Variants in GREB1L observed in about 807,000 individuals in gnomAD.
GREB1L encodes the protein GREB1 like retinoic acid receptor coactivator, also known as GREB1-like protein.
In GREB1L, 17 loss-of-function variants were observed where a neutral mutation model predicts 200.8. The ratio of observed to expected loss-of-function variants is 0.08; its 90% CI spans 0.06 to 0.13. The LOEUF is 0.13. Among genes scored for constraint, GREB1L ranks in the 10% least tolerant of loss-of-function variants. The pLI is 1.00. For synonymous variants in GREB1L, 789 were observed against 893.0 expected, an observed-to-expected ratio of 0.88 and a Z score of 2.08; for missense variants, 1,657 against 2,367.7, an observed-to-expected ratio of 0.70 and a Z score of 6.23.
intron 15 of GREB1L, chr18:21,455,079 AT>A (rs1457043209): frequency 6.5e-6 from 1 of 153,568 alleles, no homozygotes; most frequent in African/African-American, 2.4e-5. Flanking sequence ...AGAAAAAAAA[AT>A]GTTTTTCCCA....
At chr18:21,329,967 TTTG>T (rs1266361492) in intron 1 of GREB1L, among the ~76,000 whole-genome samples, 1 of 106,954 alleles carries the variant, frequency 9.3e-6, no homozygotes, top group African/African-American at 3.5e-5. Context: ...TGGTTTTTTT[TTTG>T]GGGGGGGGGG....
chr18:21,395,157 T>C (rs1467223409), intron 4 of GREB1L, among the ~76,000 whole-genome samples: 2 of 151,630 alleles, frequency 1.3e-5, no homozygotes, highest in Non-Finnish European at 2.9e-5. Context: ...GTTGTCGCTT[T>C]GGCTGAAGCG....
chr18:21,313,756 TCAAAAACAAAAAA>T, intron 1 of GREB1L, among the ~76,000 whole-genome samples: 1 of 152,278 alleles, frequency 6.6e-6, no homozygotes, highest in South Asian at 2.1e-4. Context: ...CCGCTAAAAC[TCAAAAACAAAAAA>T]CAAAAACATC....
chr18:21,318,454 C>T (rs2038905784), intron 1 of GREB1L, among the ~76,000 whole-genome samples: 2 of 152,020 alleles, frequency 1.3e-5, no homozygotes, highest in South Asian at 4.1e-4. Context: ...CATTATGTGC[C>T]TCTTAAAAAT....
intron 7 of GREB1L, among the ~76,000 whole-genome samples, chr18:21,407,715 C>T (rs538834648): frequency 9.2e-5 from 14 of 151,948 alleles, no homozygotes; most frequent in African/African-American, 3.4e-4. Flanking sequence ...AAATTCAAAA[C>T]TTTTACACTT....
intron 1 of GREB1L, among the ~76,000 whole-genome samples, chr18:21,287,199 AGAGTATGT>A (rs2038371980): frequency 6.6e-6 from 1 of 152,166 alleles, no homozygotes. Flanking sequence ...GAAATAGAAT[AGAGTATGT>A]GATTAGTCAT....
intron 7 of GREB1L, among the ~76,000 whole-genome samples, chr18:21,407,237 C>A (rs1348272685): frequency 6.6e-6 from 1 of 152,116 alleles, no homozygotes; most frequent in Non-Finnish European, 1.5e-5. Flanking sequence ...GTGGAATATT[C>A]TATCATTTTT....
intron 7 of GREB1L, among the ~76,000 whole-genome samples, chr18:21,413,944 C>G (rs193042287): frequency 5.5e-4 from 83 of 152,228 alleles, no homozygotes; most frequent in African/African-American, 2.0e-3. Context: ...CTGGTAAAAC[C>G]GACACTCTCA....
At chr18:21,308,629 C>G (rs2144770123) in intron 1 of GREB1L, among the ~76,000 whole-genome samples, 1 of 152,312 alleles carries the variant, frequency 6.6e-6, no homozygotes, top group South Asian at 2.1e-4. Context: ...GCCGGTGTCT[C>G]TCACTCTCAC....
chr18:21,281,211 C>G (rs2038263845), intron 1 of GREB1L, among the ~76,000 whole-genome samples: 1 of 152,324 alleles, frequency 6.6e-6, no homozygotes, highest in Admixed American at 6.5e-5. Flanking sequence ...TACCTGGAAC[C>G]TAACCTGGTG....
intron 1 of GREB1L, among the ~76,000 whole-genome samples, chr18:21,278,724 C>A (rs750002691): frequency 9.2e-5 from 14 of 151,972 alleles, no homozygotes; most frequent in Admixed American, 3.9e-4. Flanking sequence ...TTTTCAGAGT[C>A]CAGATTTGAA....
chr18:21,281,313 T>C (rs1489199148), intron 1 of GREB1L, among the ~76,000 whole-genome samples: 1 of 152,248 alleles, frequency 6.6e-6, no homozygotes, highest in African/African-American at 2.4e-5. Flanking sequence ...TTCTCATTGC[T>C]GCAAGGTCAA....
chr18:21,455,896 CTTTTTTT>C (rs775559267), intron 15 of GREB1L, among the ~76,000 whole-genome samples: 17 of 97,876 alleles, frequency 1.7e-4, no homozygotes, highest in African/African-American at 5.5e-4. Flanking sequence ...TCTGCATTTG[CTTTTTTT>C]TTTTTTTTTT....
chr18:21,383,418 C>A lies in GREB1L; in HGVS notation c.-9-92C>A, dbSNP rs1222225340. 8.8e-6 allele frequency: 8 copies of A among 906,742 alleles called. No individual in the cohort carries two copies. The East Asian group carries it at 1.7e-4, about 19-fold the overall frequency. The allele number at this position is 906,742 out of a possible 1,614,324, so 56.2% of individuals were successfully genotyped here. A position where few individuals can be genotyped will look rare whatever the true frequency, so the allele number is the denominator to read the frequency against. On this transcript the variant is annotated intron_variant, in intron 2 of 32. Transcript: ENST00000424526. Reference sequence around the variant, plus strand: ...TTCACATCTTAACAAGATATATGGACATAGTTTAAATTAGCTCTACCTGTA... The same window carrying A: ...TTCACATCTTAACAAGATATATGGAAATAGTTTAAATTAGCTCTACCTGTA...
chr18:21,380,502 A>C (rs966225036), intron 2 of GREB1L: 2 of 152,164 alleles, frequency 1.3e-5, no homozygotes, highest in African/African-American at 4.8e-5. Context: ...AGATATTCTC[A>C]AAATTACCTG....
chr18:21,304,642 A>G (rs2038670974), intron 1 of GREB1L, among the ~76,000 whole-genome samples: 1 of 152,210 alleles, frequency 6.6e-6, no homozygotes, highest in East Asian at 1.9e-4. Flanking sequence ...GGGAAGAAGC[A>G]GACAGATTGG....
intron 17 of GREB1L, among the ~76,000 whole-genome samples, chr18:21,484,694 G>A (rs1382591884): frequency 6.6e-6 from 1 of 152,060 alleles, no homozygotes; most frequent in Non-Finnish European, 1.5e-5. Context: ...GTGGTGGTGG[G>A]TGCCTGTAAT....
At chr18:21,421,943 T>C (rs1430902576) in intron 7 of GREB1L, among the ~76,000 whole-genome samples, 3 of 152,182 alleles carry the variant, frequency 2.0e-5, no homozygotes, top group Admixed American at 1.3e-4. Context: ...TTAGCCACAA[T>C]GTGACAGTCA....
At chr18:21,266,856 A>G (rs1437030854) in intron 1 of GREB1L, among the ~76,000 whole-genome samples, 1 of 152,168 alleles carries the variant, frequency 6.6e-6, no homozygotes, top group Non-Finnish European at 1.5e-5. Flanking sequence ...TGGATTTCCT[A>G]CAGTTCTAAG....
Sources: gnomAD v4.1 joint callset for allele counts (sites outside exome capture counted in the v4.1 genomes callset) on GRCh38, gnomAD v4.1.1 for gene constraint, MANE v1.5 for transcripts, NCBI Gene and HGNC (gene_info 2026-07-23, HGNC 2026-07-21) for gene names.